The following FAT2 variants were observed in gnomAD, a reference collection of about 807,000 sequenced individuals.
FAT2 encodes protocadherin Fat 2.
A neutral mutation model predicts 295.3 loss-of-function variants in FAT2; 150 were observed. The ratio of observed to expected loss-of-function variants is 0.51; its 90% CI spans 0.44 to 0.58. The LOEUF (loss-of-function observed/expected upper bound fraction) is 0.58, where lower values mean the gene tolerates loss of function less well. Ranked by LOEUF, FAT2 falls within the 20% of genes least tolerant of loss-of-function variation. The pLI, the probability that FAT2 is intolerant of heterozygous loss-of-function variation, is 0.00. For missense variants in FAT2, 4,868 were observed against 5,442.7 expected (o/e 0.89, Z 3.32); for synonymous variants, 2,026 against 2,150.3 (o/e 0.94, Z 1.60).
At chr5:151,564,696 G>A (rs1429139386) in intron 2 of FAT2, among the ~76,000 whole-genome samples, 1 of 152,196 alleles carries the variant, frequency 6.6e-6, no homozygotes, top group Non-Finnish European at 1.5e-5. Context: ...GAATGTGGTT[G>A]TGTCACCTTT....
At chr5:151,515,673 T>C (rs536707607) in intron 20 of FAT2, among the ~76,000 whole-genome samples, 2 of 152,318 alleles carry the variant, frequency 1.3e-5, no homozygotes, top group African/African-American at 4.8e-5. Flanking sequence ...CCTGTTGGCT[T>C]TGCCTTCAAA....
At position 151,544,328 on chromosome 5, in the gene FAT2, C is replaced by T. The variant is rs753770884; in HGVS notation, c.6799G>A (p.Asp2267Asn). 1.2e-6 allele frequency: 2 copies of T among 1,614,194 alleles called. No individual in the cohort carries two copies. Among genetic ancestry groups the T allele is most frequent in the Middle Eastern group, 1.7e-4 (1 of 6,060 alleles). ...TVEVLVEDVN[D>N]NPPTFSQLVY... is the part of the protein sequence containing the mutation. ...AATTGGGAAAAAGTGGGAGGGTTAT[C>T]ATTGACATCCTCCACTAGGACTTCC... The change falls in exon 10 of 24, where the codon GAT becomes AAT. Residue 2267 changes from aspartate (D) to asparagine (N), a missense_variant. Around this residue, in one of 5 missense-constraint regions of FAT2, gnomAD observed 3,297 missense variants for 3,669.4 expected, o/e 0.90. Transcript: ENST00000261800.
chr5:151,553,074 G>A lies in FAT2; in HGVS notation c.4156+103C>T, dbSNP rs928669698. 4.1e-6 allele frequency: 5 copies of A among 1,207,268 alleles called. No individual in the cohort carries two copies. The African/African-American group carries it at 7.5e-5, about 18-fold the overall frequency. The allele number at this position is 1,207,268 out of a possible 1,614,324, so 74.8% of individuals were successfully genotyped here. ...GGGCTGAAAGAGGGGCTGCCGAGGAGCCCGACCTTGAGAAGAGTCAGAAGG... is the reference window on the plus strand; with the variant it reads ...GGGCTGAAAGAGGGGCTGCCGAGGAACCCGACCTTGAGAAGAGTCAGAAGG... On this transcript the variant is annotated intron_variant, in intron 6 of 23. Coordinates refer to ENST00000261800, the MANE Select transcript of FAT2 (RefSeq NM_001447.3).
intron 11 of FAT2, among the ~76,000 whole-genome samples, chr5:151,538,349 T>C (rs1256063899): frequency 6.6e-6 from 1 of 152,212 alleles, no homozygotes; most frequent in Non-Finnish European, 1.5e-5. Context: ...ATAGGCATTC[T>C]GGAAGGTGTC....
At chr5:151,564,166 T>C (rs1313558114) in intron 2 of FAT2, among the ~76,000 whole-genome samples, 1 of 152,262 alleles carries the variant, frequency 6.6e-6, no homozygotes, top group Admixed American at 6.5e-5. Flanking sequence ...TTGCTTACGA[T>C]GGGCTAGCAC....
chr5:151,562,192 C>T (rs190165120), intron 3 of FAT2, among the ~76,000 whole-genome samples: 2 of 152,324 alleles, frequency 1.3e-5, no homozygotes, highest in East Asian at 3.9e-4. Context: ...CCAGGAGTCC[C>T]AGCGTCATCC....
In FAT2 at chr5:151,521,984, A is replaced by G; in HGVS notation, c.10609T>C (p.Phe3537Leu). Residue 3537 changes from phenylalanine to leucine, a missense_variant, in exon 19 of 24, where the codon TTC (phenylalanine) becomes CTC (leucine). Coordinates refer to ENST00000261800, the MANE Select transcript of FAT2 (RefSeq NM_001447.3). ...YAPSALPLEI[F>L]ITVGEDEFQG... is the part of the protein sequence containing the mutation. ...AACTCATCCTCTCCAACAGTGATGAAGATCTCCAGTGGGAGAGCAGAAGGT... is the reference window on the plus strand; with the variant it reads ...AACTCATCCTCTCCAACAGTGATGAGGATCTCCAGTGGGAGAGCAGAAGGT... The G allele has an allele frequency of 1.9e-6, 3 of 1,614,198 alleles. No homozygotes were observed. The highest frequency in any genetic ancestry group is 2.5e-6 in the Non-Finnish European group (3 of 1,180,004).
Position 151,566,582 on chromosome 5 carries a change from T to G in FAT2, c.2350A>C (p.Asn784His). ...VAAPLDYEATNFYILNVTVYD... is the reference protein window; with the variant it reads ...VAAPLDYEATHFYILNVTVYD... ...ACTGTTACATTGAGGATGTAGAAAT[T>G]GGTGGCTTCATAGTCCAAGGGAGCA... The change falls in exon 2 of 24, where the codon AAT (asparagine) becomes CAT (histidine). Residue 784 changes from asparagine to histidine, a missense_variant. By Grantham distance (68) the Asn-to-His change is moderately conservative. Around this residue, in one of 5 missense-constraint regions of FAT2, gnomAD observed 3,297 missense variants for 3,669.4 expected, o/e 0.90. Transcript: ENST00000261800. The G allele has an allele frequency of 1.2e-6, 2 of 1,614,178 alleles. No homozygotes were observed. Among genetic ancestry groups the G allele is most frequent in the South Asian group, 1.1e-5 (1 of 91,074 alleles).
At chr5:151,518,348 C>CTAATAATAATAATAATAATAATAATAA (rs3056491) in intron 19 of FAT2, among the ~76,000 whole-genome samples, 28 of 101,440 alleles carry the variant, frequency 2.8e-4, no homozygotes, top group African/African-American at 7.9e-4. Flanking sequence ...GACCATGTCT[C>CTAATAATAATAATAATAATAATAATAA]TAATAATAAT....
chr5:151,549,960 G>A (rs1168214634), intron 8 of FAT2, among the ~76,000 whole-genome samples: 1 of 152,164 alleles, frequency 6.6e-6, no homozygotes, highest in Admixed American at 6.5e-5. Context: ...TAGCACATAA[G>A]AACCCTGATC....
intron 10 of FAT2, among the ~76,000 whole-genome samples, chr5:151,541,238 C>G (rs558894027): frequency 6.6e-6 from 1 of 152,292 alleles, no homozygotes; most frequent in East Asian, 1.9e-4. Context: ...ATCTTTCTTT[C>G]CTTGACACTA....
At chr5:151,549,612 GTAAC>G in intron 8 of FAT2, 107 bp from the exon 9 acceptor site, 5 of 795,212 alleles carry the variant, frequency 6.3e-6, no homozygotes, top group Non-Finnish European at 1.0e-5. Context: ...ATGCCCAATT[GTAAC>G]TAACTCCCCA....
At chr5:151,530,151 A>G (rs1473731466) in intron 14 of FAT2, among the ~76,000 whole-genome samples, 2 of 152,164 alleles carry the variant, frequency 1.3e-5, no homozygotes, top group African/African-American at 2.4e-5. Flanking sequence ...AGGCTGATGA[A>G]GAAGTCTATA....
At chr5:151,521,136 CTT>C in intron 19 of FAT2, 138 bp downstream of exon 19, 2 of 801,998 alleles carry the variant, frequency 2.5e-6, no homozygotes, top group Non-Finnish European at 3.8e-6. Context: ...CACTAGCCGT[CTT>C]ATGGTGATTG....
intron 3 of FAT2, among the ~76,000 whole-genome samples, chr5:151,559,947 G>C (rs112774688): frequency 2.0e-5 from 3 of 152,294 alleles, no homozygotes; most frequent in African/African-American, 7.2e-5. Flanking sequence ...CTTCCTGGAT[G>C]AGGTGGCGCT....
Position 151,544,687 on chromosome 5 carries a change from T to C in FAT2, c.6440A>G (p.Asp2147Gly). ...NKYHLKVIAR[D>G]GGTPSLQSEE... ...ACTCTGGAGGGATGGCGTTCCTCCATCCCGAGCAATGACTTTGAGGTGATA... is the reference window on the plus strand; with the variant it reads ...ACTCTGGAGGGATGGCGTTCCTCCACCCCGAGCAATGACTTTGAGGTGATA... Residue 2147 changes from aspartate to glycine, a missense_variant, in exon 10 of 24, where the codon GAT becomes GGT. This residue lies in a region of FAT2 where 3,297 missense variants were observed against 3,669.4 expected (regional missense o/e 0.90). Transcript: ENST00000261800. 2 of 1,614,152 alleles carry C rather than the reference T, an allele frequency of 1.2e-6. No individual in the cohort carries two copies. Among genetic ancestry groups the C allele is most frequent in the Non-Finnish European group, 1.7e-6 (2 of 1,179,996 alleles).
chr5:151,506,847 G>A lies in FAT2; in HGVS notation c.12517+307C>T, dbSNP rs577815733. Among the ~76,000 whole-genome samples, 38 of 152,280 alleles carry A rather than the reference G, an allele frequency of 2.5e-4. No homozygotes were observed. The South Asian group carries it at 7.1e-3, about 28-fold the overall frequency. ...TTTCCCTTCCCAGAAAAGCACAAAT[G>A]TGCAGAAGCCCCCTTCTCACTCCAA... On this transcript the variant is annotated intron_variant, in intron 23 of 23. Coordinates refer to ENST00000261800, the MANE Select transcript of FAT2 (RefSeq NM_001447.3).
chr5:151,583,216 A>G (rs1759032633), intron 1 of FAT2, among the ~76,000 whole-genome samples: 1 of 152,224 alleles, frequency 6.6e-6, no homozygotes, highest in African/African-American at 2.4e-5. Flanking sequence ...CATAAGTGTG[A>G]ACATATGTTC....
intron 11 of FAT2, among the ~76,000 whole-genome samples, chr5:151,538,893 C>T (rs1221226195): frequency 6.6e-6 from 1 of 151,648 alleles, no homozygotes; most frequent in South Asian, 2.1e-4. Flanking sequence ...ACCATGTTGG[C>T]CAGGCTGGTC....
Sources: gnomAD v4.1 joint callset for allele counts (sites outside exome capture counted in the v4.1 genomes callset) on GRCh38, gnomAD v4.1.1 for gene constraint, gnomAD v4.1.1 regional missense constraint, MANE v1.5 for transcripts, NCBI Gene and HGNC (gene_info 2026-07-23, HGNC 2026-07-21) for gene names.